Variants in MTMR8 observed in about 807,000 individuals in gnomAD.
MTMR8 encodes the protein phosphatidylinositol-3,5-bisphosphate 3-phosphatase MTMR8.
MTMR8 carries 65 observed loss-of-function variants against 39.3 expected under a neutral mutation model. The observed-to-expected ratio is 1.65, with a 90% CI of 1.35 to 2.03. MTMR8 has a LOEUF of 2.03. MTMR8 is among the 30% of genes most tolerant of loss of function. The probability of loss-of-function intolerance (pLI) is 0.00; values close to 1 mark genes in which losing one functional copy is unlikely to be tolerated. For synonymous variants in MTMR8, 245 were observed against 185.2 expected (o/e 1.32, Z -2.62); for missense variants, 777 against 538.9 (o/e 1.44, Z -4.37).
chrX:64,390,216 T>C (rs1924659494), intron 1 of MTMR8, among the ~76,000 whole-genome samples: 2 of 112,198 alleles, frequency 1.8e-5, no homozygotes, highest in Non-Finnish European at 3.8e-5. Context: ...GACTGAACAT[T>C]TGGCCTTAGT....
intron 3 of MTMR8, 139 bp from the exon 4 acceptor site, chrX:64,355,073 C>T (rs1031694387): frequency 4.3e-6 from 2 of 459,851 alleles, no homozygotes; most frequent in Non-Finnish European, 3.3e-6. Context: ...GTGGTGTGTG[C>T]AAGTTTGCCT....
intron 12 of MTMR8, among the ~76,000 whole-genome samples, chrX:64,308,267 G>C (rs911826417): frequency 9.4e-6 from 1 of 106,514 alleles, no homozygotes; most frequent in Non-Finnish European, 1.9e-5. Flanking sequence ...CCATTCTCCT[G>C]TCTCAGCCTC....
At chrX:64,322,687 T>G in intron 12 of MTMR8, among the ~76,000 whole-genome samples, 1 of 112,477 alleles carries the variant, frequency 8.9e-6, no homozygotes, top group Admixed American at 9.4e-5. Flanking sequence ...CAGCAATAAC[T>G]GCATCTTTTC....
At chrX:64,279,503 A>G (rs1298957682) in intron 12 of MTMR8, among the ~76,000 whole-genome samples, 1 of 112,156 alleles carries the variant, frequency 8.9e-6, no homozygotes, top group African/African-American at 3.2e-5. Context: ...GAATGGAAAG[A>G]CATTTCCTGT....
chrX:64,308,264 C>A (rs753389238), intron 12 of MTMR8, among the ~76,000 whole-genome samples: 1 of 109,087 alleles, frequency 9.2e-6, no homozygotes, highest in African/African-American at 3.3e-5. Flanking sequence ...ACGCCATTCT[C>A]CTGTCTCAGC....
intron 12 of MTMR8, among the ~76,000 whole-genome samples, chrX:64,283,318 G>A (rs1205239302): frequency 8.9e-6 from 1 of 112,101 alleles, no homozygotes; most frequent in Non-Finnish European, 1.9e-5. Flanking sequence ...AGTAAACAAA[G>A]CAGCCTGGAA....
intron 12 of MTMR8, among the ~76,000 whole-genome samples, chrX:64,293,376 G>T (rs1219929487): frequency 9.0e-6 from 1 of 111,325 alleles, no homozygotes; most frequent in Non-Finnish European, 1.9e-5. Context: ...AGCAAACCAC[G>T]TAGAGCCAGG....
chrX:64,356,572 A>G (rs1270024688), intron 2 of MTMR8, among the ~76,000 whole-genome samples: 1 of 111,004 alleles, frequency 9.0e-6, no homozygotes, highest in Non-Finnish European at 1.9e-5. Context: ...TCTCTCCTTA[A>G]GGATACGAGA....
In MTMR8 at chrX:64,316,641, C is replaced by T. The variant is rs144030446; in HGVS notation, c.1481+12131G>A. On this transcript the variant is annotated intron_variant, in intron 12 of 13. Coordinates refer to ENST00000374852, the MANE Select transcript of MTMR8 (RefSeq NM_017677.4). ...CCAGCCTGGGTGACAGAGCAAGGCC[C>T]AGTCTCAAAAAAAGACTATTTTCAC... 1.9e-3 allele frequency among the ~76,000 whole-genome samples: 212 copies of T among 111,235 alleles called. 1 individual carries two copies. Among genetic ancestry groups the T allele is most frequent in the African/African-American group, 6.4e-3 (197 of 30,639 alleles).
chrX:64,285,991 G>T (rs1163307010), intron 12 of MTMR8, among the ~76,000 whole-genome samples: 1 of 111,283 alleles, frequency 9.0e-6, no homozygotes, highest in South Asian at 3.7e-4. Flanking sequence ...AGAAATGAAG[G>T]ACACAGAGAC....
At chrX:64,362,117 A>T (rs1321626080) in intron 1 of MTMR8, among the ~76,000 whole-genome samples, 2 of 110,365 alleles carry the variant, frequency 1.8e-5, no homozygotes, top group South Asian at 7.6e-4. Context: ...AGCTTAATTA[A>T]CCAAGTATAC....
intron 12 of MTMR8, among the ~76,000 whole-genome samples, chrX:64,272,926 T>C (rs1039637180): frequency 9.0e-6 from 1 of 111,492 alleles, no homozygotes; most frequent in Non-Finnish European, 1.9e-5. Context: ...CCAATAATGA[T>C]ATATGTAGCA....
intron 1 of MTMR8, among the ~76,000 whole-genome samples, chrX:64,379,065 T>C (rs1333780434): frequency 1.8e-5 from 2 of 111,886 alleles, no homozygotes; most frequent in African/African-American, 6.5e-5. Context: ...AGACACAGTC[T>C]ACCAAAACTC....
intron 12 of MTMR8, 72 bp downstream of exon 12, chrX:64,328,700 T>C: frequency 9.8e-7 from 1 of 1,025,098 alleles, no homozygotes; most frequent in South Asian, 2.8e-5. Context: ...GTGGCAGCTA[T>C]CCAAGGAGAA....
At chrX:64,303,270 T>C (rs1602119374) in intron 12 of MTMR8, among the ~76,000 whole-genome samples, 1 of 112,415 alleles carries the variant, frequency 8.9e-6, no homozygotes, top group Admixed American at 9.5e-5. Flanking sequence ...CTTTTTTTTC[T>C]TTTAAGTTTT....
chrX:64,295,887 G>C (rs1921561578), intron 12 of MTMR8, among the ~76,000 whole-genome samples: 1 of 111,904 alleles, frequency 8.9e-6, no homozygotes, highest in Non-Finnish European at 1.9e-5. Flanking sequence ...AGCCACTGTG[G>C]AAAACAACTT....
At chrX:64,322,855 G>T (rs1922689716) in intron 12 of MTMR8, among the ~76,000 whole-genome samples, 1 of 112,624 alleles carries the variant, frequency 8.9e-6, no homozygotes, top group Admixed American at 9.4e-5. Context: ...GCCTCTCAGA[G>T]CCTAAGTCCA....
chrX:64,377,002 G>C (rs1924290086), intron 1 of MTMR8, among the ~76,000 whole-genome samples: 1 of 112,019 alleles, frequency 8.9e-6, no homozygotes, highest in South Asian at 3.7e-4. Flanking sequence ...TGCTGCTCCA[G>C]AGAGTGCAAG....
chrX:64,376,975 C>A (rs896197152), intron 1 of MTMR8, among the ~76,000 whole-genome samples: 1 of 111,770 alleles, frequency 8.9e-6, no homozygotes, highest in Non-Finnish European at 1.9e-5. Flanking sequence ...TAAAAGAACC[C>A]CAGATACGTC....
Sources: allele counts gnomAD v4.1 joint callset (sites outside exome capture counted in the v4.1 genomes callset), GRCh38; gene constraint gnomAD v4.1.1; transcripts MANE v1.5; gene names NCBI Gene and HGNC (gene_info 2026-07-23, HGNC 2026-07-21).